N4BP2: variants seen among roughly 807,000 people sequenced by gnomAD.
N4BP2 encodes NEDD4-binding protein 2.
Under a neutral mutation model 152.8 loss-of-function variants are expected in N4BP2, and 91 were observed. The observed-to-expected ratio is 0.60, with a 90% confidence interval of 0.50 to 0.71. The LOEUF is 0.71. Ranked by LOEUF, N4BP2 falls within the 30% of genes least tolerant of loss-of-function variation. The pLI, the probability that N4BP2 is intolerant of heterozygous loss-of-function variation, is 0.00. For synonymous variants in N4BP2, 646 were observed against 705.3 expected (o/e 0.92, Z 1.33); for missense variants, 1,923 against 2,059.1 (o/e 0.93, Z 1.28).
At chr4:40,136,388 A>ATCTATCTATCATCTATCTG (rs1719395413) in intron 13 of N4BP2, among the ~76,000 whole-genome samples, 1 of 143,784 alleles carries the variant, frequency 7.0e-6, no homozygotes, top group Non-Finnish European at 1.5e-5. Flanking sequence ...CTATCTATCT[A>ATCTATCTATCATCTATCTG]TCTATCTTTT....
chr4:40,180,199 T>C, the N4BP2 span, among the ~76,000 whole-genome samples: 1 of 152,286 alleles, frequency 6.6e-6, no homozygotes, highest in East Asian at 1.9e-4. Context: ...ATATCTTTCA[T>C]ATACAAACAA....
chr4:40,164,396 G>T, the N4BP2 span, among the ~76,000 whole-genome samples: 1 of 152,140 alleles, frequency 6.6e-6, no homozygotes, highest in Admixed American at 6.5e-5. Context: ...AGTGGAGAAG[G>T]TCACAGAATT....
intron 14 of N4BP2, among the ~76,000 whole-genome samples, chr4:40,141,532 G>A (rs560920687): frequency 4.6e-5 from 7 of 151,578 alleles, no homozygotes; most frequent in South Asian, 2.1e-4. Context: ...ATGGGATGGC[G>A]GCCGGGAAGA....
the N4BP2 span, among the ~76,000 whole-genome samples, chr4:40,181,000 A>T: frequency 6.6e-6 from 1 of 152,020 alleles, no homozygotes. Flanking sequence ...AAATACAAAA[A>T]TTAGCCGGGC....
intron 1 of N4BP2, among the ~76,000 whole-genome samples, chr4:40,058,398 T>C (rs1733389431): frequency 6.6e-6 from 1 of 152,156 alleles, no homozygotes. Flanking sequence ...GCCAGGACCT[T>C]TTATTATTTA....
At chr4:40,114,623 G>T (rs542384509) in intron 7 of N4BP2, among the ~76,000 whole-genome samples, 156 of 152,122 alleles carry the variant, frequency 1.0e-3, no homozygotes, top group Non-Finnish European at 1.3e-3. Context: ...TAGGATTTTT[G>T]CATCTTTATA....
At chr4:40,123,978 G>A (rs1440642166) in intron 10 of N4BP2, among the ~76,000 whole-genome samples, 182 bp from the exon 11 acceptor site, 1 of 151,814 alleles carries the variant, frequency 6.6e-6, no homozygotes, top group East Asian at 1.9e-4. Context: ...GAAAAAATAT[G>A]TAGCTGTAGT....
chr4:40,122,106 A>G lies in N4BP2; in HGVS notation c.3995A>G (p.Asn1332Ser), dbSNP rs959545009. Residue 1332 changes from asparagine to serine, a missense_variant, in exon 9 of 18, where the codon AAT becomes AGT. By Grantham distance (46) the Asn-to-Ser change is conservative. Coordinates refer to ENST00000261435, the MANE Select transcript of N4BP2 (RefSeq NM_018177.6). ...VKFSDEEEFM[N>S]EDEKEMKEIL... ...TTTTCAGATGAAGAAGAATTTATGA[A>G]TGAAGATGAGAAGGAAATGAAGGAA... 1 of 1,585,942 alleles carries G rather than the reference A, an allele frequency of 6.3e-7. No individual in the cohort carries two copies. Among genetic ancestry groups the G allele is most frequent in the African/African-American group, 1.4e-5 (1 of 73,880 alleles).
chr4:40,186,703 A>T, the N4BP2 span, among the ~76,000 whole-genome samples: 1 of 152,264 alleles, frequency 6.6e-6, no homozygotes, highest in East Asian at 1.9e-4. Context: ...ATGTCATTAA[A>T]GATTTTTTGA....
At chr4:40,103,339 T>A in intron 4 of N4BP2, 121 bp downstream of exon 4, 1 of 818,536 alleles carries the variant, frequency 1.2e-6, no homozygotes, top group African/African-American at 1.7e-5. Flanking sequence ...AAATGTTTTC[T>A]TTTTACTAAG....
chr4:40,124,272 C>T (rs562431789), intron 11 of N4BP2, 67 bp downstream of exon 11: 10 of 1,222,232 alleles, frequency 8.2e-6, no homozygotes, highest in East Asian at 2.4e-5. Context: ...TGAATTTTAA[C>T]TCATTCTAAA....
In N4BP2 at chr4:40,122,298, G is replaced by A. The variant is rs773907812; in HGVS notation, c.4187G>A (p.Gly1396Asp). 1 of 1,566,338 alleles carries A rather than the reference G, an allele frequency of 6.4e-7. No homozygotes were observed. The highest frequency in any genetic ancestry group is 1.2e-5 in the South Asian group (1 of 85,160). The change falls in exon 9 of 18, where the codon GGT becomes GAT. Residue 1396 changes from glycine to aspartate, a missense_variant. By Grantham distance (94) the Gly-to-Asp change is moderately conservative. Coordinates refer to ENST00000261435, the MANE Select transcript of N4BP2 (RefSeq NM_018177.6). ...CTTAATGAATTATTTGGTCCTGTTG[G>A]TATTGATTCAGGTAAGGAAAAAGTA... Reference protein sequence around the residue: ...FQLNELFGPVGIDSGSLTVED... With the variant: ...FQLNELFGPVDIDSGSLTVED...
intron 5 of N4BP2, among the ~76,000 whole-genome samples, chr4:40,108,186 G>T (rs1450419366): frequency 6.6e-6 from 1 of 151,970 alleles, no homozygotes; most frequent in African/African-American, 2.4e-5. Context: ...TGCCTAACTC[G>T]GCCTCTGAAA....
At chr4:40,087,296 A>G (rs1203487254) in intron 2 of N4BP2, among the ~76,000 whole-genome samples, 1 of 151,774 alleles carries the variant, frequency 6.6e-6, no homozygotes, top group African/African-American at 2.4e-5. Flanking sequence ...AAGGAGGGGA[A>G]GCTTCTTGTG....
In N4BP2 at chr4:40,121,994, T is replaced by C. The variant is rs768854497; in HGVS notation, c.3883T>C (p.Ser1295Pro). The C allele has an allele frequency of 6.5e-7, 1 of 1,546,888 alleles. No homozygotes were observed. The highest frequency in any genetic ancestry group is 8.7e-7 in the Non-Finnish European group (1 of 1,142,942). ...SDIFNFVSST[S>P]NLELNEEIYF... is the part of the protein sequence containing the mutation. ...TATTTTTAACTTTGTATCTAGTACTTCAAATCTTGAATTAAATGAAGAAAT... is the reference window on the plus strand; with the variant it reads ...TATTTTTAACTTTGTATCTAGTACTCCAAATCTTGAATTAAATGAAGAAAT... The change falls in exon 9 of 18, where the codon TCA becomes CCA. Residue 1295 changes from serine (S) to proline (P), a missense_variant. Transcript: ENST00000261435.
At chr4:40,078,341 T>G (rs539725760) in intron 2 of N4BP2, among the ~76,000 whole-genome samples, 1 of 152,118 alleles carries the variant, frequency 6.6e-6, no homozygotes, top group East Asian at 1.9e-4. Flanking sequence ...TTTCACCATG[T>G]TGGCCAGGCA....
intron 2 of N4BP2, among the ~76,000 whole-genome samples, chr4:40,083,731 T>C (rs1207251110): frequency 6.6e-6 from 1 of 152,180 alleles, no homozygotes; most frequent in Non-Finnish European, 1.5e-5. Flanking sequence ...CTTGAGTTAA[T>C]AGAAATGTTC....
intron 16 of N4BP2, among the ~76,000 whole-genome samples, chr4:40,148,435 AC>A (rs1720819814): frequency 7.1e-6 from 1 of 141,746 alleles, no homozygotes; most frequent in South Asian, 2.5e-4. Flanking sequence ...TCAGAGGGAG[AC>A]CGTGGAAAGA....
rs751127053 is a variant in N4BP2, at chr4:40,154,171, ACT to A, written c.5268-18_5268-17del. ...ATTTGAAATTTTCATCTTTAAAATA[ACT>A]CTTTTCTCATTTCTGCAGGTTCTCT... On this transcript the variant is annotated intron_variant, in intron 17 of 17. Coordinates refer to ENST00000261435, the MANE Select transcript of N4BP2 (RefSeq NM_018177.6). 3 of 1,576,750 alleles carry A rather than the reference ACT, an allele frequency of 1.9e-6. No homozygotes were observed. The highest frequency in any genetic ancestry group is 2.6e-6 in the Non-Finnish European group (3 of 1,153,272).
Sources: allele counts gnomAD v4.1 joint callset (sites outside exome capture counted in the v4.1 genomes callset), GRCh38; gene constraint gnomAD v4.1.1; transcripts MANE v1.5; gene names NCBI Gene and HGNC (gene_info 2026-07-23, HGNC 2026-07-21).